CLEC16A: variants seen among roughly 807,000 people sequenced by gnomAD.
The protein encoded by CLEC16A is C-type lectin domain containing 16A.
A neutral mutation model predicts 109.5 loss-of-function variants in CLEC16A; 51 were observed. The ratio of observed to expected loss-of-function variants is 0.47; its 90% CI spans 0.37 to 0.59. The LOEUF (loss-of-function observed/expected upper bound fraction) is 0.59, where lower values mean the gene tolerates loss of function less well. Ranked by LOEUF, CLEC16A falls within the 20% of genes least tolerant of loss-of-function variation. The pLI is 0.00. For synonymous variants in CLEC16A, 673 were observed against 564.2 expected (o/e 1.19, Z -2.73); for missense variants, 1,339 against 1,394.0 (o/e 0.96, Z 0.63).
intron 22 of CLEC16A, among the ~76,000 whole-genome samples, chr16:11,133,918 C>T (rs1341992911): frequency 3.3e-5 from 5 of 152,094 alleles, no homozygotes; most frequent in African/African-American, 4.8e-5. Flanking sequence ...GAGGCGGGTC[C>T]GTGAGTTATG....
intron 20 of CLEC16A, among the ~76,000 whole-genome samples, chr16:11,122,417 G>C (rs190056492): frequency 6.6e-6 from 1 of 152,296 alleles, no homozygotes; most frequent in Admixed American, 6.5e-5. Context: ...TGTCAGGCAA[G>C]TGTTTTTCTC....
intron 11 of CLEC16A, among the ~76,000 whole-genome samples, chr16:11,005,582 C>A (rs546567765): frequency 1.9e-4 from 29 of 152,306 alleles, no homozygotes; most frequent in African/African-American, 6.3e-4. Flanking sequence ...TAAATACATA[C>A]AACTTTCATA....
chr16:11,176,880 C>T (rs533457372), intron 23 of CLEC16A, among the ~76,000 whole-genome samples: 1 of 152,360 alleles, frequency 6.6e-6, no homozygotes, highest in South Asian at 2.1e-4. Flanking sequence ...CTCTTCCTCT[C>T]CCTCTTCCCT....
At chr16:11,026,489 T>G (rs867348710) in intron 13 of CLEC16A, among the ~76,000 whole-genome samples, 3 of 152,326 alleles carry the variant, frequency 2.0e-5, no homozygotes, top group Middle Eastern at 3.4e-3. Flanking sequence ...CTGTAGGATC[T>G]GTAGTGATGT....
At chr16:11,049,598 C>T (rs573910176) in intron 17 of CLEC16A, among the ~76,000 whole-genome samples, 12 of 152,206 alleles carry the variant, frequency 7.9e-5, no homozygotes, top group African/African-American at 2.9e-4. Context: ...GAAAATCAGT[C>T]CTCAGCCTTC....
rs1032482649 is a variant in CLEC16A, at chr16:10,955,756, G to A, written c.81-2026G>A. On this transcript the variant is annotated intron_variant, in intron 1 of 23. Transcript: ENST00000409790. ...ACACAGAAGAGAGGAGGGAGAATCT[G>A]CCCTTCTCCCATATTGCCAACGATG... is the stretch of plus-strand genomic sequence containing the variant. Among the ~76,000 whole-genome samples the A allele has an allele frequency of 2.6e-5, 4 of 152,192 alleles. No homozygotes were observed. The East Asian group carries it at 7.7e-4, about 29-fold the overall frequency.
intron 13 of CLEC16A, among the ~76,000 whole-genome samples, chr16:11,037,313 G>C (rs2047077685): frequency 6.6e-6 from 1 of 152,164 alleles, no homozygotes; most frequent in African/African-American, 2.4e-5. Flanking sequence ...ACCTGAAAGT[G>C]GTTTGAGCTG....
intron 13 of CLEC16A, chr16:11,027,392 C>T: frequency 1.4e-6 from 2 of 1,410,496 alleles, no homozygotes; most frequent in Non-Finnish European, 9.9e-7. Flanking sequence ...TTGTAAAAGT[C>T]ACCCCCCAGA....
At chr16:11,027,810 G>C in intron 13 of CLEC16A, 7 of 817,256 alleles carry the variant, frequency 8.6e-6, no homozygotes, top group Non-Finnish European at 1.4e-5. Flanking sequence ...TGAAGTGGAA[G>C]CATGTGTTTT....
At chr16:11,127,401 G>A (rs962991207) in intron 22 of CLEC16A, among the ~76,000 whole-genome samples, 1 of 152,160 alleles carries the variant, frequency 6.6e-6, no homozygotes, top group African/African-American at 2.4e-5. Flanking sequence ...CATCCTTAGG[G>A]TGTCTTTGTG....
At chr16:11,176,532 T>C (rs1339176051) in intron 23 of CLEC16A, among the ~76,000 whole-genome samples, 1 of 151,886 alleles carries the variant, frequency 6.6e-6, no homozygotes, top group African/African-American at 2.4e-5. Context: ...AGCCCAGGAG[T>C]TCCATACCAG....
intron 22 of CLEC16A, among the ~76,000 whole-genome samples, chr16:11,143,302 T>C (rs72771815): frequency 2.8e-4 from 43 of 152,264 alleles, no homozygotes; most frequent in Non-Finnish European, 4.9e-4. Context: ...AGCAGGTGAG[T>C]GGGCAGATAT....
At chr16:11,124,318 C>T (rs1032514479) in intron 21 of CLEC16A, among the ~76,000 whole-genome samples, 1 of 152,228 alleles carries the variant, frequency 6.6e-6, no homozygotes, top group South Asian at 2.1e-4. Context: ...GTAGGGCCTG[C>T]TCTGCCCATT....
At chr16:11,026,231 T>G (rs937038491) in intron 13 of CLEC16A, among the ~76,000 whole-genome samples, 1 of 152,216 alleles carries the variant, frequency 6.6e-6, no homozygotes, top group Admixed American at 6.5e-5. Context: ...TCTGGAGGAA[T>G]TTTTGTAGTA....
chr16:11,158,704 C>T (rs2153086412), intron 22 of CLEC16A, among the ~76,000 whole-genome samples: 1 of 152,040 alleles, frequency 6.6e-6, no homozygotes, highest in East Asian at 1.9e-4. Context: ...AAGAGGATCA[C>T]TTTAGGTCAG....
At chr16:11,005,871 T>C (rs991300524) in intron 11 of CLEC16A, among the ~76,000 whole-genome samples, 1 of 152,032 alleles carries the variant, frequency 6.6e-6, no homozygotes, top group Non-Finnish European at 1.5e-5. Context: ...AGCATCTAGG[T>C]TTATTGTGTG....
intron 23 of CLEC16A, among the ~76,000 whole-genome samples, chr16:11,175,349 C>A (rs1186249740): frequency 6.6e-6 from 1 of 152,200 alleles, no homozygotes; most frequent in Non-Finnish European, 1.5e-5. Context: ...TCTCCCCAGC[C>A]CGTGGCCAGG....
At chr16:11,126,520 G>C in intron 22 of CLEC16A, 2 of 807,222 alleles carry the variant, frequency 2.5e-6, no homozygotes, top group Non-Finnish European at 3.6e-6. Flanking sequence ...GTTTGGTTCC[G>C]GTTACAACCC....
intron 1 of CLEC16A, among the ~76,000 whole-genome samples, chr16:10,953,788 A>G (rs1470763358): frequency 6.6e-6 from 1 of 152,188 alleles, no homozygotes; most frequent in African/African-American, 2.4e-5. Flanking sequence ...CATCCTGGCT[A>G]ATACAGTGAA....
Sources: gnomAD v4.1 joint callset for allele counts (sites outside exome capture counted in the v4.1 genomes callset) on GRCh38, gnomAD v4.1.1 for gene constraint, MANE v1.5 for transcripts, NCBI Gene and HGNC (gene_info 2026-07-23, HGNC 2026-07-21) for gene names.